The following TXNRD1 variants were observed in gnomAD, a reference collection of about 807,000 sequenced individuals.
The protein encoded by TXNRD1 is thioredoxin reductase 1, also known as thioredoxin reductase 1, cytoplasmic.
TXNRD1 carries 57 observed loss-of-function variants against 80.3 expected under a neutral mutation model. That is an observed-to-expected ratio of 0.71 (90% CI 0.57 to 0.89). The LOEUF is 0.89. Among genes scored for constraint, TXNRD1 ranks in the 40% least tolerant of loss-of-function variants. The pLI is 0.00. For synonymous variants in TXNRD1, 291 were observed against 285.2 expected (o/e 1.02, Z -0.20); for missense variants, 730 against 803.0 (o/e 0.91, Z 1.10).
chr12:104,228,319 AATC>A (rs1244184347), intron 1 of TXNRD1, among the ~76,000 whole-genome samples: 8 of 149,986 alleles, frequency 5.3e-5, no homozygotes, highest in East Asian at 2.0e-4. Context: ...AAAAAAAAAA[AATC>A]TGTATTTGAT....
intron 3 of TXNRD1, chr12:104,284,506 A>T (rs980171300): frequency 6.6e-6 from 1 of 152,192 alleles, no homozygotes; most frequent in Admixed American, 6.5e-5. Context: ...ACAGTAGTTT[A>T]ATACAATAGG....
At chr12:104,228,367 T>A (rs1249515884) in intron 1 of TXNRD1, among the ~76,000 whole-genome samples, 1 of 151,360 alleles carries the variant, frequency 6.6e-6, no homozygotes, top group Non-Finnish European at 1.5e-5. Context: ...TTGTGGTGGC[T>A]TACTCCTGTA....
rs760022093 is a variant in TXNRD1 at position 104,254,630 on chromosome 12, GAA to G, written c.243+2966_243+2967del. Reference sequence around the variant, plus strand: ...AGCATAACAAGACTCTATGTCTATGGAAAAAAAAAAAAAAATATATATATATA... The same window carrying G: ...AGCATAACAAGACTCTATGTCTATGGAAAAAAAAAAAAATATATATATATA... On this transcript the variant is annotated intron_variant, in intron 2 of 16. Coordinates refer to ENST00000525566, the MANE Select transcript of TXNRD1 (RefSeq NM_001093771.3). Among the ~76,000 whole-genome samples the G allele has an allele frequency of 1.6e-3, 27 of 17,256 alleles. 1 individual carries two copies. Among genetic ancestry groups the G allele is most frequent in the South Asian group, 8.8e-3 (3 of 342 alleles). 11.3% of individuals were successfully genotyped at this position (17,256 alleles called of 152,430 possible).
intron 3 of TXNRD1, among the ~76,000 whole-genome samples, chr12:104,259,263 C>T (rs978983226): frequency 4.0e-5 from 6 of 150,770 alleles, no homozygotes; most frequent in African/African-American, 1.5e-4. Flanking sequence ...CACCTGTAGT[C>T]CCAGCTACCT....
intron 4 of TXNRD1, among the ~76,000 whole-genome samples, chr12:104,302,531 C>A (rs931682114): frequency 8.7e-6 from 1 of 114,904 alleles, no homozygotes; most frequent in African/African-American, 3.5e-5. Context: ...GCTCTATAGC[C>A]CAGGCTGGAG....
chr12:104,304,678 TC>T, intron 4 of TXNRD1: 2 of 1,613,982 alleles, frequency 1.2e-6, no homozygotes, highest in Non-Finnish European at 1.7e-6. Flanking sequence ...TTGTGATTGA[TC>T]CAAACTCTTT....
intron 4 of TXNRD1, chr12:104,309,715 T>G (rs943176097): frequency 2.1e-6 from 3 of 1,420,156 alleles, no homozygotes; most frequent in Admixed American, 2.1e-5. Flanking sequence ...TAATTGATCC[T>G]TTGATCGAAT....
rs137967044 is a variant in TXNRD1, at chr12:104,318,273, A to G, written c.731-640A>G. ...GATAAGATATGGGAGTTTGGAGGAAATGTGATAAGACTCTTAAAATCCTGT... is the reference window on the plus strand; with the variant it reads ...GATAAGATATGGGAGTTTGGAGGAAGTGTGATAAGACTCTTAAAATCCTGT... On this transcript the variant is annotated intron_variant, in intron 7 of 16. Transcript: ENST00000525566. 4.0e-4 allele frequency among the ~76,000 whole-genome samples: 61 copies of G among 152,350 alleles called. No individual in the cohort carries two copies. The East Asian group carries it at 0.011, about 26-fold the overall frequency.
chr12:104,328,758 CAAA>C (rs33918583), intron 13 of TXNRD1, among the ~76,000 whole-genome samples: 44 of 92,766 alleles, frequency 4.7e-4, no homozygotes, highest in Middle Eastern at 5.1e-3. Flanking sequence ...GACTCTGCCT[CAAA>C]AAAAAAAAAA....
chr12:104,309,255 A>G (rs560691093), intron 4 of TXNRD1, among the ~76,000 whole-genome samples: 9 of 152,252 alleles, frequency 5.9e-5, no homozygotes, highest in African/African-American at 1.4e-4. Context: ...TGTCTTGCCA[A>G]TTGGTAAATT....
chr12:104,342,298 T>G (rs1277501735), intron 16 of TXNRD1, among the ~76,000 whole-genome samples: 1 of 152,084 alleles, frequency 6.6e-6, no homozygotes, highest in African/African-American at 2.4e-5. Context: ...AAGAGTCACA[T>G]CATTAGCATA....
At chr12:104,290,232 TTTTA>T (rs1448579673) in intron 4 of TXNRD1, among the ~76,000 whole-genome samples, 3 of 152,184 alleles carry the variant, frequency 2.0e-5, no homozygotes, top group Admixed American at 2.0e-4. Context: ...TTTAAAAGTA[TTTTA>T]TTTATTTTTG....
At chr12:104,313,142 C>G in intron 5 of TXNRD1, 103 bp from the exon 6 acceptor site, 2 of 829,414 alleles carry the variant, frequency 2.4e-6, no homozygotes, top group Non-Finnish European at 3.9e-6. Flanking sequence ...ATTCGTTATG[C>G]TTTAAGCTCT....
chr12:104,308,898 CTTTT>C (rs11484262), intron 4 of TXNRD1, among the ~76,000 whole-genome samples: 4 of 129,730 alleles, frequency 3.1e-5, no homozygotes, highest in Admixed American at 1.7e-4. Flanking sequence ...AACAATGTTT[CTTTT>C]TTTTTTTTTT....
intron 4 of TXNRD1, among the ~76,000 whole-genome samples, chr12:104,290,031 C>G (rs1033285516): frequency 6.6e-6 from 1 of 152,202 alleles, no homozygotes; most frequent in Non-Finnish European, 1.5e-5. Context: ...GAAAACTTCC[C>G]GTAGTCCCAT....
chr12:104,308,429 G>A lies in TXNRD1; in HGVS notation c.415-2861G>A, dbSNP rs564182980. Among the ~76,000 whole-genome samples, 167 of 151,976 alleles carry A rather than the reference G, an allele frequency of 1.1e-3. 1 individual carries two copies. Among genetic ancestry groups the A allele is most frequent in the African/African-American group, 3.5e-3 (147 of 41,480 alleles). ...TTGTTGTCAGACATTAAAGAGAATCGCAAAGATACAAAACAGTGCCATTCT... is the reference window on the plus strand; with the variant it reads ...TTGTTGTCAGACATTAAAGAGAATCACAAAGATACAAAACAGTGCCATTCT... On this transcript the variant is annotated intron_variant, in intron 4 of 16. Transcript: ENST00000525566.
intron 3 of TXNRD1, among the ~76,000 whole-genome samples, chr12:104,278,862 C>T (rs1476271928): frequency 6.6e-6 from 1 of 152,136 alleles, no homozygotes; most frequent in Non-Finnish European, 1.5e-5. Context: ...TAACATTTAC[C>T]TTGTAAAAGC....
chr12:104,227,571 G>C (rs61939227), intron 1 of TXNRD1, among the ~76,000 whole-genome samples: 9,760 of 152,082 alleles, frequency 0.064, 409 homozygotes, highest in Non-Finnish European at 0.098. Flanking sequence ...CTGGCCTTTG[G>C]TGTTCATTTT....
At chr12:104,309,609 C>T in intron 4 of TXNRD1, 2 of 436,082 alleles carry the variant, frequency 4.6e-6, no homozygotes, top group Non-Finnish European at 8.2e-6. Flanking sequence ...GTTATTTTTC[C>T]AGCAGAACAT....
Sources: allele counts gnomAD v4.1 joint callset (sites outside exome capture counted in the v4.1 genomes callset), GRCh38; gene constraint gnomAD v4.1.1; transcripts MANE v1.5; gene names NCBI Gene and HGNC (gene_info 2026-07-23, HGNC 2026-07-21).